HLCS: variants seen among roughly 807,000 people sequenced by gnomAD.
The protein encoded by HLCS is holocarboxylase synthetase.
HLCS carries 53 observed loss-of-function variants against 75.0 expected under a neutral mutation model. The ratio of observed to expected loss-of-function variants is 0.71; its 90% CI spans 0.57 to 0.89. The LOEUF is 0.89. HLCS is among the 40% of genes least tolerant of loss of function. The pLI is 0.00. For synonymous variants in HLCS, 431 were observed against 428.6 expected, an observed-to-expected ratio of 1.01 and a Z score of -0.07; for missense variants, 966 against 1,074.0, an observed-to-expected ratio of 0.90 and a Z score of 1.41.
At chr21:36,897,259 A>G in intron 5 of HLCS, 128 bp from the exon 6 acceptor site, 7 of 861,554 alleles carry the variant, frequency 8.1e-6, no homozygotes, top group Non-Finnish European at 1.9e-6. Context: ...AAGCTAGATT[A>G]ACATATTCCA....
chr21:36,831,650 T>C (rs1413483724), intron 6 of HLCS, among the ~76,000 whole-genome samples: 1 of 152,112 alleles, frequency 6.6e-6, no homozygotes, highest in East Asian at 1.9e-4. Context: ...GCCACTGCAC[T>C]TCAGCCTGGG....
At chr21:36,954,053 C>A (rs2067798808) in intron 2 of HLCS, among the ~76,000 whole-genome samples, 1 of 152,186 alleles carries the variant, frequency 6.6e-6, no homozygotes, top group Non-Finnish European at 1.5e-5. Flanking sequence ...TGCCTGTAAT[C>A]CCAGCACTTT....
chr21:36,835,940 G>A (rs1335222040), intron 6 of HLCS, among the ~76,000 whole-genome samples: 1 of 151,686 alleles, frequency 6.6e-6, no homozygotes, highest in East Asian at 1.9e-4. Flanking sequence ...GGAGTCCCCT[G>A]GCTTAGAGTG....
At chr21:36,927,377 G>A (rs747580533) in intron 5 of HLCS, among the ~76,000 whole-genome samples, 40 of 152,350 alleles carry the variant, frequency 2.6e-4, no homozygotes, top group Non-Finnish European at 4.6e-4. Flanking sequence ...AGGGCTGACC[G>A]TCGCTGAGGC....
intron 1 of HLCS, among the ~76,000 whole-genome samples, chr21:36,986,299 T>C (rs2069228159): frequency 1.3e-5 from 2 of 152,332 alleles, no homozygotes; most frequent in South Asian, 4.1e-4. Flanking sequence ...TACATTTCTG[T>C]TCATTATAAA....
rs773627696 is a variant in HLCS, at chr21:36,754,250, C to T, written c.2618G>A (p.Arg873Gln). The T allele has an allele frequency of 5.0e-6, 8 of 1,613,774 alleles. No individual in the cohort carries two copies. The highest frequency in any genetic ancestry group is 2.7e-5 in the African/African-American group (2 of 74,906). ...MLRNLILPKR[R>Q] The stretch of plus-strand genomic sequence containing the variant: ...GCGTCTCGGGGACGCCCGGCATTAC[C>T]GCCGTTTGGGGAGGATGAGGTTTCT... Residue 873 changes from arginine to glutamine, a missense_variant, in exon 11 of 11, where the codon CGG becomes CAG. Transcript: ENST00000674895.
chr21:36,982,187 T>G (rs1303651043), intron 1 of HLCS, among the ~76,000 whole-genome samples: 1 of 152,256 alleles, frequency 6.6e-6, no homozygotes, highest in African/African-American at 2.4e-5. Context: ...TGCATTTTAT[T>G]CATGTTCACT....
chr21:36,926,582 T>C (rs926978395), intron 5 of HLCS, among the ~76,000 whole-genome samples: 12 of 152,144 alleles, frequency 7.9e-5, no homozygotes, highest in Non-Finnish European at 1.8e-4. Context: ...TTTGGCTCAT[T>C]ATAAAATAAC....
chr21:36,793,002 T>C (rs1421813407), intron 6 of HLCS, among the ~76,000 whole-genome samples: 4 of 152,230 alleles, frequency 2.6e-5, no homozygotes, highest in African/African-American at 9.6e-5. Context: ...AGTCACATGC[T>C]CAGCATCCTT....
At chr21:36,970,368 G>C (rs1308817579), upstream of HLCS, among the ~76,000 whole-genome samples, 1 of 152,096 alleles carries the variant, frequency 6.6e-6, no homozygotes. Flanking sequence ...AAAGTGTTGG[G>C]ATTACAGGCA....
chr21:36,866,078 T>A (rs1279037581), intron 6 of HLCS, among the ~76,000 whole-genome samples: 5 of 152,268 alleles, frequency 3.3e-5, no homozygotes, highest in South Asian at 2.1e-4. Flanking sequence ...TAACAGTTTC[T>A]TGAATTCACA....
At chr21:36,853,958 T>G (rs1274353860) in intron 6 of HLCS, among the ~76,000 whole-genome samples, 2 of 152,250 alleles carry the variant, frequency 1.3e-5, no homozygotes, top group East Asian at 3.9e-4. Flanking sequence ...TTTTCAAGCA[T>G]AAAAATGGGT....
chr21:36,883,118 C>T (rs1376128010), intron 6 of HLCS, among the ~76,000 whole-genome samples: 1 of 152,160 alleles, frequency 6.6e-6, no homozygotes, highest in Non-Finnish European at 1.5e-5. Context: ...ACAGAACATG[C>T]TTCTCTCCAA....
chr21:36,908,820 A>G (rs11910692), intron 5 of HLCS, among the ~76,000 whole-genome samples: 2,839 of 152,346 alleles, frequency 0.019, 49 homozygotes, highest in Middle Eastern at 0.051. Flanking sequence ...AGAAAAGGCC[A>G]ATCTAATCAT....
chr21:36,912,836 G>T (rs1444339467), intron 5 of HLCS, among the ~76,000 whole-genome samples: 1 of 152,144 alleles, frequency 6.6e-6, no homozygotes, highest in African/African-American at 2.4e-5. Flanking sequence ...CAACCGAGGG[G>T]TCTCGCTGTG....
chr21:36,837,761 A>G (rs1235441747), intron 6 of HLCS, among the ~76,000 whole-genome samples: 2 of 152,230 alleles, frequency 1.3e-5, no homozygotes, highest in Non-Finnish European at 2.9e-5. Context: ...TGAACATTGT[A>G]TCAAGCCAAG....
intron 1 of HLCS, chr21:36,990,100 C>T (rs1266008682): frequency 6.5e-6 from 1 of 152,674 alleles, no homozygotes; most frequent in African/African-American, 2.4e-5. Context: ...CTCGCCCGGC[C>T]CCAGCACGCC....
rs575993553 is a variant in HLCS at position 36,749,684 on chromosome 21, A to T, written c.*4562T>A. 107 of 152,268 alleles carry T rather than the reference A, an allele frequency of 7.0e-4. No individual in the cohort carries two copies. Among genetic ancestry groups the T allele is most frequent in the African/African-American group, 2.4e-3 (101 of 41,546 alleles). The allele number at this position is 152,268 out of a possible 1,614,324, so 9.4% of individuals were successfully genotyped here. On this transcript the variant is annotated 3_prime_UTR_variant, in exon 11 of 11. Coordinates refer to ENST00000674895, the MANE Select transcript of HLCS (RefSeq NM_001352514.2). ...TGTGCACAGGAAATAAGCCGAGGGT[A>T]TTATTTTTTTATGTTCATGAGTCTT...
intron 5 of HLCS, among the ~76,000 whole-genome samples, chr21:36,901,888 C>T (rs1017270821): frequency 2.0e-5 from 3 of 152,186 alleles, no homozygotes; most frequent in Admixed American, 6.5e-5. Flanking sequence ...CAATAGCAGT[C>T]CATGCTTAGG....
Sources: allele counts gnomAD v4.1 joint callset (sites outside exome capture counted in the v4.1 genomes callset), GRCh38; gene constraint gnomAD v4.1.1; transcripts MANE v1.5; gene names NCBI Gene and HGNC (gene_info 2026-07-23, HGNC 2026-07-21).